UBR1: variants seen among roughly 807,000 people sequenced by gnomAD.
UBR1 encodes the protein E3 ubiquitin-protein ligase UBR1.
A neutral mutation model predicts 242.1 loss-of-function variants in UBR1; 102 were observed. That is an observed-to-expected ratio of 0.42 (90% CI 0.36 to 0.50). The LOEUF (loss-of-function observed/expected upper bound fraction) is 0.50, where lower values mean the gene tolerates loss of function less well. Among genes scored for constraint, UBR1 ranks in the 20% least tolerant of loss-of-function variants. The pLI, the probability that UBR1 is intolerant of heterozygous loss-of-function variation, is 0.01. For missense variants in UBR1, 1,772 were observed against 2,101.8 expected, an observed-to-expected ratio of 0.84 and a Z score of 3.07; for synonymous variants, 675 against 684.8, an observed-to-expected ratio of 0.99 and a Z score of 0.22.
intron 2 of UBR1, among the ~76,000 whole-genome samples, chr15:43,083,907 G>C (rs940538347): frequency 2.0e-5 from 3 of 151,996 alleles, no homozygotes; most frequent in Non-Finnish European, 2.9e-5. Flanking sequence ...AGCCAGGCAT[G>C]GTGGTGCTTG....
intron 1 of UBR1, among the ~76,000 whole-genome samples, chr15:43,103,270 G>T (rs185580258): frequency 1.3e-5 from 2 of 152,200 alleles, no homozygotes; most frequent in Admixed American, 6.5e-5. Context: ...GGAGGTTGAG[G>T]TGGGAAGATC....
At chr15:43,067,877 A>G (rs2033773724) in intron 6 of UBR1, 21 bp downstream of exon 6, 1 of 1,613,786 alleles carries the variant, frequency 6.2e-7, no homozygotes. Context: ...CAGAAACGCA[A>G]TTCAAAAGGA....
chr15:42,960,960 A>C (rs543589659), intron 42 of UBR1, among the ~76,000 whole-genome samples: 233 of 152,006 alleles, frequency 1.5e-3, no homozygotes, highest in Non-Finnish European at 2.9e-3. Flanking sequence ...GAGGTTTCCC[A>C]TGTTGGCCAG....
intron 29 of UBR1, among the ~76,000 whole-genome samples, chr15:43,011,152 A>C (rs1269957147): frequency 1.3e-5 from 2 of 151,932 alleles, no homozygotes; most frequent in Non-Finnish European, 2.9e-5. Flanking sequence ...ACTGCATTCT[A>C]GCCTGGGCAA....
At chr15:43,010,980 ACTCCAT>A (rs915047923) in intron 29 of UBR1, among the ~76,000 whole-genome samples, 84 of 151,890 alleles carry the variant, frequency 5.5e-4, no homozygotes, top group African/African-American at 1.9e-3. Flanking sequence ...ACAAAGCAAG[ACTCCAT>A]CTCAAGTGTG....
chr15:42,982,700 G>T (rs1329421295), intron 37 of UBR1, among the ~76,000 whole-genome samples: 1 of 152,040 alleles, frequency 6.6e-6, no homozygotes, highest in Non-Finnish European at 1.5e-5. Context: ...GGCTTCAATA[G>T]ATTTTCAAGG....
chr15:42,964,126 G>A, intron 41 of UBR1, 83 bp from the exon 42 acceptor site: 1 of 975,552 alleles, frequency 1.0e-6, no homozygotes, highest in Non-Finnish European at 1.6e-6. Flanking sequence ...CACTGTTTAT[G>A]CTTATTTCTA....
intron 29 of UBR1, among the ~76,000 whole-genome samples, chr15:43,013,380 T>C (rs1288778231): frequency 3.3e-5 from 5 of 152,240 alleles, no homozygotes; most frequent in Non-Finnish European, 5.9e-5. Flanking sequence ...CCAATTTCTC[T>C]AAGAGCATAC....
chr15:43,031,497 T>C (rs1008190225), intron 20 of UBR1, among the ~76,000 whole-genome samples: 23 of 152,216 alleles, frequency 1.5e-4, no homozygotes, highest in African/African-American at 5.5e-4. Context: ...TGTTTCTAAC[T>C]GGCATATTCT....
At chr15:42,981,279 C>T (rs2032373966) in intron 37 of UBR1, among the ~76,000 whole-genome samples, 5 of 152,112 alleles carry the variant, frequency 3.3e-5, no homozygotes. Context: ...ACTATAGATG[C>T]CACTACTCCT....
chr15:43,071,026 T>A (rs1177493132), intron 4 of UBR1, 101 bp from the exon 5 acceptor site: 2 of 1,449,176 alleles, frequency 1.4e-6, no homozygotes, highest in East Asian at 2.3e-5. Context: ...CTGAATTCAT[T>A]ACAACATCGT....
rs1294599767 is a variant in UBR1, at chr15:42,942,968, C to T, written c.*2361G>A. 4 of 152,524 alleles carry T rather than the reference C, an allele frequency of 2.6e-5. No individual in the cohort carries two copies. The highest frequency in any genetic ancestry group is 4.1e-4 in the South Asian group (2 of 4,834). 9.4% of individuals were successfully genotyped at this position (152,524 alleles called of 1,614,324 possible). On this transcript the variant is annotated 3_prime_UTR_variant, in exon 47 of 47. Coordinates refer to ENST00000290650, the MANE Select transcript of UBR1 (RefSeq NM_174916.3). ...GAACATTATACAAGTTTTAAATTTA[C>T]ATTTTTGCAATAAAAGTTATCAATA... is the stretch of plus-strand genomic sequence containing the variant.
chr15:43,021,464 A>C, intron 26 of UBR1, 89 bp from the exon 27 acceptor site: 1 of 1,145,974 alleles, frequency 8.7e-7, no homozygotes, highest in South Asian at 1.2e-5. Flanking sequence ...CCCTGTGGAC[A>C]TCAAAGTCCA....
chr15:43,007,363 A>G, intron 29 of UBR1, 79 bp from the exon 30 acceptor site: 1 of 1,205,104 alleles, frequency 8.3e-7, no homozygotes. Context: ...TTAAGTAACT[A>G]TAGGCAAGAA....
chr15:42,986,865 C>T (rs2032468777), intron 35 of UBR1, among the ~76,000 whole-genome samples: 1 of 152,222 alleles, frequency 6.6e-6, no homozygotes, highest in African/African-American at 2.4e-5. Context: ...CAGAGGGCAC[C>T]AACCCCAGGA....
At chr15:42,966,388 A>T (rs1272641350) in intron 40 of UBR1, 102 bp from the exon 41 acceptor site, 2 of 1,477,906 alleles carry the variant, frequency 1.4e-6, no homozygotes, top group Admixed American at 3.6e-5. Flanking sequence ...ACATTTAGGT[A>T]ATTTATTATC....
intron 11 of UBR1, among the ~76,000 whole-genome samples, chr15:43,055,459 C>T (rs1596121988): frequency 6.6e-6 from 1 of 151,866 alleles, no homozygotes; most frequent in Admixed American, 6.6e-5. Flanking sequence ...AAAAATCACA[C>T]AATGAGCAAG....
Position 42,976,970 on chromosome 15 carries a change from T to C in UBR1, c.4219-103A>G, listed in dbSNP as rs990483869. ...GGCAGCAGATGCTACACAGTGTTTG[T>C]GTGTGTGTTTTTTAATAAAAACCAT... On this transcript the variant is annotated intron_variant, in intron 38 of 46. Transcript: ENST00000290650. 1.1e-5 allele frequency: 14 copies of C among 1,278,660 alleles called. No individual in the cohort carries two copies. In the Admixed American group the frequency reaches 2.8e-4, roughly 26 times the overall value. 79.2% of individuals were successfully genotyped at this position (1,278,660 alleles called of 1,614,324 possible).
At chr15:42,988,060 T>C (rs2032501403) in intron 35 of UBR1, among the ~76,000 whole-genome samples, 1 of 152,210 alleles carries the variant, frequency 6.6e-6, no homozygotes, top group Non-Finnish European at 1.5e-5. Context: ...AGAGCTGGTT[T>C]CTGCCTGCTA....
Sources: allele counts gnomAD v4.1 joint callset (sites outside exome capture counted in the v4.1 genomes callset), GRCh38; gene constraint gnomAD v4.1.1; transcripts MANE v1.5; gene names NCBI Gene and HGNC (gene_info 2026-07-23, HGNC 2026-07-21).